Variants in TEX11 observed in about 807,000 individuals in gnomAD.
TEX11 encodes the protein testis expressed 11.
A neutral mutation model predicts 84.4 loss-of-function variants in TEX11; 7 were observed. That is an observed-to-expected ratio of 0.08 (90% CI 0.05 to 0.16). TEX11 has a LOEUF of 0.16. Ranked by LOEUF, TEX11 falls within the 10% of genes least tolerant of loss-of-function variation. The pLI is 1.00. For synonymous variants in TEX11, 264 were observed against 222.8 expected (o/e 1.18, Z -1.64); for missense variants, 551 against 660.5 (o/e 0.83, Z 1.82).
intron 25 of TEX11, among the ~76,000 whole-genome samples, chrX:70,572,721 G>A (rs377436167): frequency 1.8e-5 from 2 of 108,470 alleles, no homozygotes; most frequent in African/African-American, 3.3e-5. Flanking sequence ...TGAAGCTGGA[G>A]ACCATCATTC....
chrX:70,609,702 C>A (rs1255113959), intron 21 of TEX11, among the ~76,000 whole-genome samples: 1 of 111,920 alleles, frequency 8.9e-6, no homozygotes, highest in Non-Finnish European at 1.9e-5. Context: ...ATGTTTAACA[C>A]CCTGCTGACA....
chrX:70,862,812 G>A (rs759862176), intron 4 of TEX11, among the ~76,000 whole-genome samples: 2 of 107,908 alleles, frequency 1.9e-5, no homozygotes, highest in South Asian at 4.2e-4. Context: ...CTACTAGAGA[G>A]ACTGAGGCAG....
chrX:70,592,828 G>A (rs778478625), intron 24 of TEX11, among the ~76,000 whole-genome samples: 80 of 111,246 alleles, frequency 7.2e-4, no homozygotes, highest in South Asian at 1.9e-3. Flanking sequence ...GGAACAGAGC[G>A]TGGGGAAGTT....
chrX:70,906,600 C>T (rs376043000), intron 2 of TEX11, among the ~76,000 whole-genome samples: 8 of 110,436 alleles, frequency 7.2e-5, no homozygotes, highest in African/African-American at 6.6e-5. Flanking sequence ...CCAGCTTGAC[C>T]GACATGGTGA....
At chrX:70,578,540 G>A (rs977328269) in intron 25 of TEX11, among the ~76,000 whole-genome samples, 4 of 111,495 alleles carry the variant, frequency 3.6e-5, no homozygotes, top group African/African-American at 1.3e-4. Context: ...TTGTAGATCA[G>A]AATTCATAAG....
At chrX:70,777,644 C>T (rs1436529332) in intron 9 of TEX11, among the ~76,000 whole-genome samples, 3 of 111,349 alleles carry the variant, frequency 2.7e-5, no homozygotes, top group African/African-American at 9.8e-5. Flanking sequence ...AGCAAAACTC[C>T]ATCTCAAAAA....
At chrX:70,775,789 G>C (rs1216557878) in intron 9 of TEX11, among the ~76,000 whole-genome samples, 1 of 11,177 alleles carries the variant, frequency 8.9e-5, no homozygotes, top group Non-Finnish European at 1.9e-4. Context: ...GACAGAGCGA[G>C]ACTCCGTCTC....
intron 9 of TEX11, among the ~76,000 whole-genome samples, chrX:70,758,692 C>A (rs1020346717): frequency 2.7e-5 from 3 of 111,983 alleles, no homozygotes; most frequent in African/African-American, 9.7e-5. Context: ...GACACCCTAA[C>A]ATCACAATTG....
the TEX11 span, among the ~76,000 whole-genome samples, chrX:70,514,048 T>C: frequency 3.7e-5 from 4 of 109,321 alleles, no homozygotes; most frequent in African/African-American, 1.4e-4. Flanking sequence ...ATTATCCAAC[T>C]GTTTTTGACT....
At position 70,663,447 on chromosome X, in the gene TEX11, G is replaced by A. The variant is rs370780183; in HGVS notation, c.1380+6930C>T. Among the ~76,000 whole-genome samples, 10 of 111,678 alleles carry A rather than the reference G, an allele frequency of 9.0e-5. No individual in the cohort carries two copies. The South Asian group carries it at 2.6e-3, about 30-fold the overall frequency. ...ACAGCCATTCAAATATTGGAAGAAA[G>A]CTATCGTGTTTCTCGTAAATCTTCC... On this transcript the variant is annotated intron_variant, in intron 16 of 29. Transcript: ENST00000374333.
intron 8 of TEX11, among the ~76,000 whole-genome samples, chrX:70,821,623 T>C (rs1438506080): frequency 8.9e-6 from 1 of 112,098 alleles, no homozygotes; most frequent in Admixed American, 9.5e-5. Flanking sequence ...TTAAACCTCT[T>C]TTCTTTATAA....
intron 7 of TEX11, among the ~76,000 whole-genome samples, chrX:70,839,323 G>A (rs1286849172): frequency 8.9e-6 from 1 of 111,819 alleles, no homozygotes; most frequent in Non-Finnish European, 1.9e-5. Context: ...AGCAGCATCT[G>A]CAGTTCACCA....
intron 13 of TEX11, 49 bp downstream of exon 13, chrX:70,722,569 C>A: frequency 9.4e-7 from 1 of 1,066,585 alleles, no homozygotes. Flanking sequence ...GCCACTGGTG[C>A]CTAGCCAAAA....
chrX:70,674,820 T>C (rs1478905273), intron 15 of TEX11, among the ~76,000 whole-genome samples: 3 of 111,649 alleles, frequency 2.7e-5, no homozygotes, highest in African/African-American at 9.8e-5. Context: ...TTTCATATGC[T>C]TAGATGTAAA....
At chrX:70,602,455 T>C (rs1427342615) in intron 24 of TEX11, among the ~76,000 whole-genome samples, 3 of 103,720 alleles carry the variant, frequency 2.9e-5, no homozygotes, top group Non-Finnish European at 2.0e-5. Context: ...AAAAACCACA[T>C]GATTATCTCA....
At chrX:70,526,950 A>G (rs1438827381), downstream of TEX11, among the ~76,000 whole-genome samples, 1 of 112,232 alleles carries the variant, frequency 8.9e-6, no homozygotes, top group Non-Finnish European at 1.9e-5. Context: ...GCAGCAAAAT[A>G]AATAATGATA....
intron 28 of TEX11, among the ~76,000 whole-genome samples, chrX:70,550,928 A>G (rs991240536): frequency 8.9e-6 from 1 of 111,985 alleles, no homozygotes; most frequent in Non-Finnish European, 1.9e-5. Context: ...GGAAATCAGT[A>G]TATCAAAGAG....
chrX:70,779,926 G>A (rs1338517525), intron 9 of TEX11, among the ~76,000 whole-genome samples: 1 of 111,899 alleles, frequency 8.9e-6, no homozygotes, highest in African/African-American at 3.2e-5. Context: ...TGGGTTCACT[G>A]CTGAATTTCT....
At chrX:70,654,107 T>C (rs913772331) in intron 16 of TEX11, among the ~76,000 whole-genome samples, 2 of 111,591 alleles carry the variant, frequency 1.8e-5, no homozygotes, top group African/African-American at 3.3e-5. Context: ...TAGACACTTT[T>C]TTATACATTC....
Sources: allele counts gnomAD v4.1 joint callset (sites outside exome capture counted in the v4.1 genomes callset), GRCh38; gene constraint gnomAD v4.1.1; transcripts MANE v1.5; gene names NCBI Gene and HGNC (gene_info 2026-07-23, HGNC 2026-07-21).